MAML3: variants seen among roughly 807,000 people sequenced by gnomAD.
The protein encoded by MAML3 is mastermind-like protein 3.
In MAML3, 27 loss-of-function variants were observed where a neutral mutation model predicts 101.9. The ratio of observed to expected loss-of-function variants is 0.27; its 90% CI spans 0.20 to 0.37. The LOEUF is 0.37. Ranked by LOEUF, MAML3 falls within the 10% of genes least tolerant of loss-of-function variation. The pLI, the probability that MAML3 is intolerant of heterozygous loss-of-function variation, is 1.00. For synonymous variants in MAML3, 501 were observed against 555.9 expected (o/e 0.90, Z 1.39); for missense variants, 1,316 against 1,444.9 (o/e 0.91, Z 1.45).
intron 2 of MAML3, among the ~76,000 whole-genome samples, chr4:139,850,902 T>TG (rs1731535721): frequency 1.2e-4 from 17 of 146,730 alleles, no homozygotes; most frequent in African/African-American, 4.3e-4. Flanking sequence ...ATTTGCAAGA[T>TG]TAAAAAAAAA....
chr4:140,121,158 C>G (rs902132003), intron 1 of MAML3, among the ~76,000 whole-genome samples: 5 of 152,148 alleles, frequency 3.3e-5, no homozygotes, highest in African/African-American at 1.2e-4. Context: ...CTTCTTAAAG[C>G]TTTGGGATTG....
At chr4:140,147,398 A>G (rs75371601) in intron 1 of MAML3, among the ~76,000 whole-genome samples, 1 of 152,206 alleles carries the variant, frequency 6.6e-6, no homozygotes, top group Non-Finnish European at 1.5e-5. Context: ...TGATTGTTTC[A>G]TTAGTTCTGA....
intron 4 of MAML3, among the ~76,000 whole-genome samples, chr4:139,721,214 C>T (rs1054228524): frequency 6.6e-6 from 1 of 152,076 alleles, no homozygotes; most frequent in African/African-American, 2.4e-5. Flanking sequence ...GTGTCCATAC[C>T]AAGTCATTCA....
chr4:139,860,239 AGAG>A (rs1398498756), intron 2 of MAML3, among the ~76,000 whole-genome samples: 1 of 152,214 alleles, frequency 6.6e-6, no homozygotes, highest in African/African-American at 2.4e-5. Flanking sequence ...AGCGCCCAAA[AGAG>A]GAGGCCTGCT....
intron 1 of MAML3, among the ~76,000 whole-genome samples, chr4:139,961,836 G>T (rs573070863): frequency 6.6e-6 from 1 of 152,048 alleles, no homozygotes; most frequent in Non-Finnish European, 1.5e-5. Context: ...ACACAAAGCC[G>T]GGCACGGTGG....
At chr4:140,100,396 AAC>A (rs1728235580) in intron 1 of MAML3, among the ~76,000 whole-genome samples, 1 of 152,220 alleles carries the variant, frequency 6.6e-6, no homozygotes, top group Non-Finnish European at 1.5e-5. Context: ...CATTTTTACA[AAC>A]AGTCCTCAAG....
At chr4:139,815,135 A>C (rs562550232) in intron 2 of MAML3, among the ~76,000 whole-genome samples, 2 of 152,350 alleles carry the variant, frequency 1.3e-5, no homozygotes, top group African/African-American at 4.8e-5. Context: ...GAAGCTAGAA[A>C]GCCCGACTTA....
rs560858543 is a variant in MAML3, at chr4:139,874,866, C to T, written c.2079+14491G>A. ...TCGCCCAGGCTGGAGTGCAGTGGCG[C>T]GATCTCAGCTCACTGCAAGCTCCTC... On this transcript the variant is annotated intron_variant, in intron 2 of 4. Transcript: ENST00000509479. Among the ~76,000 whole-genome samples, 18 of 148,012 alleles carry T rather than the reference C, an allele frequency of 1.2e-4. No individual in the cohort carries two copies. In the East Asian group the frequency reaches 2.0e-3, roughly 16 times the overall value.
intron 1 of MAML3, among the ~76,000 whole-genome samples, chr4:140,066,226 G>A (rs2110945484): frequency 6.6e-6 from 1 of 152,352 alleles, no homozygotes; most frequent in Non-Finnish European, 1.5e-5. Context: ...TCACAACTTT[G>A]TTATCAAACA....
At chr4:139,860,861 C>A (rs962683429) in intron 2 of MAML3, among the ~76,000 whole-genome samples, 2 of 152,044 alleles carry the variant, frequency 1.3e-5, no homozygotes, top group Admixed American at 6.5e-5. Flanking sequence ...GACTTTTGAT[C>A]CGGTAATGAT....
intron 1 of MAML3, among the ~76,000 whole-genome samples, chr4:140,116,058 C>T (rs1028661725): frequency 1.3e-5 from 2 of 152,038 alleles, no homozygotes; most frequent in Non-Finnish European, 2.9e-5. Context: ...ATTTTATTTG[C>T]AATTATTTCA....
intron 4 of MAML3, among the ~76,000 whole-genome samples, chr4:139,721,989 T>A (rs993345570): frequency 2.6e-5 from 4 of 152,126 alleles, no homozygotes; most frequent in African/African-American, 9.7e-5. Context: ...TATTGCTGAG[T>A]CAGAGATTGA....
intron 1 of MAML3, among the ~76,000 whole-genome samples, chr4:140,036,192 T>C (rs1726984224): frequency 6.6e-6 from 1 of 152,206 alleles, no homozygotes; most frequent in South Asian, 2.1e-4. Flanking sequence ...CTAATACATG[T>C]GAGGCCCATT....
At chr4:139,787,145 C>G (rs1730321210) in intron 2 of MAML3, among the ~76,000 whole-genome samples, 1 of 152,242 alleles carries the variant, frequency 6.6e-6, no homozygotes, top group Non-Finnish European at 1.5e-5. Flanking sequence ...CTTCCTCGTT[C>G]TGCAGCAGCG....
At chr4:139,872,938 G>A (rs562038250) in intron 2 of MAML3, among the ~76,000 whole-genome samples, 9 of 152,022 alleles carry the variant, frequency 5.9e-5, no homozygotes, top group South Asian at 2.1e-4. Flanking sequence ...AAAATTAGCC[G>A]GGCATGGTGG....
chr4:139,734,842 G>C (rs1363132796), intron 2 of MAML3, among the ~76,000 whole-genome samples: 1 of 152,272 alleles, frequency 6.6e-6, no homozygotes, highest in East Asian at 1.9e-4. Flanking sequence ...CACAAAAGAC[G>C]GCCGGCGGCG....
At chr4:139,882,720 G>A (rs1030965690) in intron 2 of MAML3, among the ~76,000 whole-genome samples, 1 of 152,018 alleles carries the variant, frequency 6.6e-6, no homozygotes, top group Admixed American at 6.5e-5. Flanking sequence ...GTGGTGGCAC[G>A]CACCTGTAAT....
chr4:139,780,462 A>G (rs1389341325), intron 2 of MAML3, among the ~76,000 whole-genome samples: 1 of 152,170 alleles, frequency 6.6e-6, no homozygotes, highest in East Asian at 1.9e-4. Context: ...ACCAACCTCA[A>G]ATGTGCATGT....
intron 2 of MAML3, among the ~76,000 whole-genome samples, chr4:139,754,385 T>C (rs998810701): frequency 6.6e-6 from 1 of 152,190 alleles, no homozygotes; most frequent in African/African-American, 2.4e-5. Context: ...TACCACAAAA[T>C]GATAGTCACT....
Sources: allele counts gnomAD v4.1 joint callset (sites outside exome capture counted in the v4.1 genomes callset), GRCh38; gene constraint gnomAD v4.1.1; transcripts MANE v1.5; gene names NCBI Gene and HGNC (gene_info 2026-07-23, HGNC 2026-07-21).